CEP112: variants seen among roughly 807,000 people sequenced by gnomAD.
CEP112 encodes the protein centrosomal protein 112.
CEP112 carries 127 observed loss-of-function variants against 153.0 expected under a neutral mutation model. That is an observed-to-expected ratio of 0.83 (90% CI 0.72 to 0.96). The LOEUF (loss-of-function observed/expected upper bound fraction) is 0.96, where lower values mean the gene tolerates loss of function less well. Among genes scored for constraint, CEP112 ranks in the 40% least tolerant of loss-of-function variants. The pLI, the probability that CEP112 is intolerant of heterozygous loss-of-function variation, is 0.00. For synonymous variants in CEP112, 358 were observed against 374.4 expected (o/e 0.96, Z 0.51); for missense variants, 1,089 against 1,101.2 (o/e 0.99, Z 0.16).
At chr17:66,167,055 T>C (rs778622940) in intron 4 of CEP112, among the ~76,000 whole-genome samples, 4 of 152,218 alleles carry the variant, frequency 2.6e-5, no homozygotes, top group Non-Finnish European at 5.9e-5. Flanking sequence ...AAAGCCTCTT[T>C]TAAAATAGAA....
At position 66,176,926 on chromosome 17, in the gene CEP112, T is replaced by C. The variant is rs1015184653; in HGVS notation, c.201A>G (p.Ala67=). The C allele has an allele frequency of 1.2e-5, 19 of 1,613,916 alleles. No homozygotes were observed. Among genetic ancestry groups the C allele is most frequent in the Non-Finnish European group, 1.6e-5 (19 of 1,179,930 alleles). Reference sequence around the variant, plus strand: ...GTTTAAGCATATGCAATAACAATTTTGCATACAGGTTCCGATTCTTCCTCC... The same window carrying C: ...GTTTAAGCATATGCAATAACAATTTCGCATACAGGTTCCGATTCTTCCTCC... ...IMGRKNRNLY[A]KLLLHMLKRG... Residue 67 remains alanine, a synonymous_variant, in exon 3 of 27, where the codon GCA becomes GCG. Coordinates refer to ENST00000535342, the MANE Select transcript of CEP112 (RefSeq NM_001199165.4).
chr17:65,881,624 A>C (rs945157549), intron 20 of CEP112, among the ~76,000 whole-genome samples: 5 of 152,222 alleles, frequency 3.3e-5, no homozygotes, highest in African/African-American at 1.2e-4. Flanking sequence ...GACATGGATA[A>C]AAAGAACAAG....
At chr17:65,885,652 T>A (rs768627979) in intron 20 of CEP112, among the ~76,000 whole-genome samples, 1 of 152,220 alleles carries the variant, frequency 6.6e-6, no homozygotes, top group Non-Finnish European at 1.5e-5. Flanking sequence ...ACCTCACTAA[T>A]AGTCATGAGA....
In CEP112 at chr17:65,963,674, G is replaced by GGTGT. The variant is rs58215209; in HGVS notation, c.1737-2080_1737-2077dup. Among the ~76,000 whole-genome samples the GGTGT allele has an allele frequency of 4.1e-3, 609 of 147,618 alleles. 6 individuals carry two copies. The highest frequency in any genetic ancestry group is 0.013 in the African/African-American group (519 of 40,428). ...CGATATAGATATAGATATAGATAGGGGTGTGTGTGTGTGTGTGTGTGTGTG... is the reference window on the plus strand; with the variant it reads ...CGATATAGATATAGATATAGATAGGGGTGTGTGTGTGTGTGTGTGTGTGTGTGTG... On this transcript the variant is annotated intron_variant, in intron 17 of 26. Coordinates refer to ENST00000535342, the MANE Select transcript of CEP112 (RefSeq NM_001199165.4).
intron 19 of CEP112, among the ~76,000 whole-genome samples, chr17:65,915,787 CAAAAAA>C (rs755351021): frequency 3.5e-5 from 2 of 56,590 alleles, no homozygotes; most frequent in African/African-American, 6.7e-5. Flanking sequence ...GACTCAAACT[CAAAAAA>C]AAAAAAAAAA....
chr17:65,937,824 C>T (rs1460400014), intron 18 of CEP112, among the ~76,000 whole-genome samples: 1 of 86,384 alleles, frequency 1.2e-5, no homozygotes, highest in Non-Finnish European at 2.5e-5. Context: ...CGGCCAGCCG[C>T]CCCGTCCGGG....
chr17:65,699,498 T>C (rs1357901849), intron 23 of CEP112, among the ~76,000 whole-genome samples: 1 of 152,210 alleles, frequency 6.6e-6, no homozygotes, highest in African/African-American at 2.4e-5. Flanking sequence ...GTGCCCTTTT[T>C]TCACGATCTA....
chr17:65,683,628 C>T (rs1023793103), intron 24 of CEP112, among the ~76,000 whole-genome samples: 5 of 152,208 alleles, frequency 3.3e-5, no homozygotes, highest in African/African-American at 9.6e-5. Flanking sequence ...GGGACCCTAA[C>T]CTCTTCCTGG....
At chr17:65,899,526 A>G (rs2143473232) in intron 20 of CEP112, among the ~76,000 whole-genome samples, 1 of 152,254 alleles carries the variant, frequency 6.6e-6, no homozygotes, top group Admixed American at 6.5e-5. Context: ...TAATTATAAA[A>G]CATATTCACC....
chr17:65,718,148 G>A (rs1292442951), intron 23 of CEP112, among the ~76,000 whole-genome samples: 1 of 152,176 alleles, frequency 6.6e-6, no homozygotes, highest in Admixed American at 6.5e-5. Flanking sequence ...GCTCACGCCT[G>A]TAATCCCAGC....
At chr17:65,878,841 A>AG (rs1315860691) in intron 20 of CEP112, among the ~76,000 whole-genome samples, 3 of 152,060 alleles carry the variant, frequency 2.0e-5, no homozygotes, top group Non-Finnish European at 2.9e-5. Context: ...CCTAAAAAAA[A>AG]AAAAAATGGA....
At chr17:66,095,124 T>A (rs2068287918) in intron 8 of CEP112, among the ~76,000 whole-genome samples, 1 of 152,120 alleles carries the variant, frequency 6.6e-6, no homozygotes, top group South Asian at 2.1e-4. Flanking sequence ...AACTACTACA[T>A]GATCCAGCAA....
At chr17:66,074,364 T>C (rs1419842254) in intron 8 of CEP112, among the ~76,000 whole-genome samples, 1 of 152,058 alleles carries the variant, frequency 6.6e-6, no homozygotes, top group African/African-American at 2.4e-5. Context: ...AATCCAAGAG[T>C]CTAATATACA....
intron 24 of CEP112, among the ~76,000 whole-genome samples, chr17:65,671,203 G>T (rs747262360): frequency 3.3e-5 from 5 of 152,132 alleles, no homozygotes; most frequent in Non-Finnish European, 5.9e-5. Flanking sequence ...TGGGGGTCAG[G>T]AATCTGAAGG....
intron 24 of CEP112, among the ~76,000 whole-genome samples, chr17:65,655,660 C>A (rs1266045858): frequency 2.6e-5 from 4 of 151,582 alleles, no homozygotes; most frequent in Non-Finnish European, 5.9e-5. Context: ...CTGCTAGCCA[C>A]AAATTTTAGT....
intron 17 of CEP112, among the ~76,000 whole-genome samples, chr17:65,970,442 C>T (rs1453919323): frequency 2.1e-5 from 1 of 48,526 alleles, no homozygotes; most frequent in Non-Finnish European, 4.4e-5. Flanking sequence ...ACACATCATG[C>T]ATGTATATTA....
At chr17:66,008,476 C>G (rs1334486921) in intron 16 of CEP112, among the ~76,000 whole-genome samples, 1 of 151,980 alleles carries the variant, frequency 6.6e-6, no homozygotes, top group Admixed American at 6.6e-5. Flanking sequence ...GTATCAGCCC[C>G]CCAGGTAGCT....
chr17:65,896,791 A>G (rs1038305780), intron 20 of CEP112, among the ~76,000 whole-genome samples: 4 of 152,124 alleles, frequency 2.6e-5, no homozygotes, highest in African/African-American at 9.6e-5. Context: ...GAATATATAC[A>G]GAAAGTTCCT....
chr17:65,769,335 A>G (rs2053198537), intron 21 of CEP112, among the ~76,000 whole-genome samples: 1 of 152,044 alleles, frequency 6.6e-6, no homozygotes, highest in Non-Finnish European at 1.5e-5. Flanking sequence ...TTAAATGTCC[A>G]TACTACTCCC....
Sources: allele counts gnomAD v4.1 joint callset (sites outside exome capture counted in the v4.1 genomes callset), GRCh38; gene constraint gnomAD v4.1.1; transcripts MANE v1.5; gene names NCBI Gene and HGNC (gene_info 2026-07-23, HGNC 2026-07-21).